Variants in RTF1 observed in about 807,000 individuals in gnomAD.
RTF1 encodes RTF1 homolog, Paf1/RNA polymerase II complex component, also known as RNA polymerase-associated protein RTF1 homolog.
In RTF1, 10 loss-of-function variants were observed where a neutral mutation model predicts 95.7. The observed-to-expected ratio is 0.10, with a 90% CI of 0.06 to 0.18. The LOEUF is 0.18. RTF1 is among the 10% of genes least tolerant of loss of function. The probability of loss-of-function intolerance (pLI) is 1.00; values close to 1 mark genes in which losing one functional copy is unlikely to be tolerated. For missense variants in RTF1, 458 were observed against 875.6 expected (o/e 0.52, Z 6.02); for synonymous variants, 305 against 311.8 (o/e 0.98, Z 0.23).
At chr15:41,425,191 T>C (rs1435317475) in intron 1 of RTF1, among the ~76,000 whole-genome samples, 1 of 151,920 alleles carries the variant, frequency 6.6e-6, no homozygotes, top group Non-Finnish European at 1.5e-5. Flanking sequence ...AAGCTTCGCC[T>C]CCCGGGTTCA....
chr15:41,472,933 C>T lies in RTF1; in HGVS notation c.1203+1584C>T, dbSNP rs182163698. ...AGCCAGGATGGTCTTGATCTCCTAACCTCGTGATCCGCCCGCCTCGGCCTC... is the reference window on the plus strand; with the variant it reads ...AGCCAGGATGGTCTTGATCTCCTAATCTCGTGATCCGCCCGCCTCGGCCTC... On this transcript the variant is annotated intron_variant, in intron 8 of 17. Coordinates refer to ENST00000389629, the MANE Select transcript of RTF1 (RefSeq NM_015138.5). 2.5e-3 allele frequency among the ~76,000 whole-genome samples: 372 copies of T among 151,754 alleles called. 1 individual carries two copies. The highest frequency in any genetic ancestry group is 8.5e-3 in the African/African-American group (353 of 41,390).
intron 1 of RTF1, among the ~76,000 whole-genome samples, chr15:41,430,279 C>A (rs1472719911): frequency 2.0e-5 from 3 of 151,054 alleles, no homozygotes; most frequent in African/African-American, 7.3e-5. Context: ...CTACAACCTC[C>A]ACCTCCCGGG....
chr15:41,448,226 A>G (rs1452274090), intron 2 of RTF1, among the ~76,000 whole-genome samples: 1 of 152,136 alleles, frequency 6.6e-6, no homozygotes, highest in Non-Finnish European at 1.5e-5. Flanking sequence ...GAGAAAAAAA[A>G]TCTTTGGGAG....
chr15:41,457,087 A>G lies in RTF1; in HGVS notation c.458-585A>G, dbSNP rs556467201. The stretch of plus-strand genomic sequence containing the variant: ...GGGCAGAGTGAGACTCCGTCTCAAT[A>G]ATAATAATAATAAATAAGATGGGGC... On this transcript the variant is annotated intron_variant, in intron 3 of 17. Transcript: ENST00000389629. Among the ~76,000 whole-genome samples the G allele has an allele frequency of 2.0e-5, 3 of 151,910 alleles. No homozygotes were observed. The South Asian group carries it at 6.2e-4, about 32-fold the overall frequency.
At chr15:41,428,511 G>A (rs1301072871) in intron 1 of RTF1, among the ~76,000 whole-genome samples, 7 of 150,358 alleles carry the variant, frequency 4.7e-5, no homozygotes, top group African/African-American at 7.3e-5. Flanking sequence ...CTTGTGATCC[G>A]CCCACCTCAG....
At chr15:41,476,054 T>C (rs1353665365) in intron 11 of RTF1, among the ~76,000 whole-genome samples, 1 of 152,176 alleles carries the variant, frequency 6.6e-6, no homozygotes, top group Non-Finnish European at 1.5e-5. Context: ...AGACAACAAA[T>C]GAGGCTACAT....
At chr15:41,476,888 A>G (rs144255265) in intron 12 of RTF1, among the ~76,000 whole-genome samples, 1 of 152,188 alleles carries the variant, frequency 6.6e-6, no homozygotes, top group African/African-American at 2.4e-5. Flanking sequence ...GGGCCTTGTT[A>G]TGGTGGTTTA....
intron 2 of RTF1, among the ~76,000 whole-genome samples, chr15:41,449,955 G>C (rs1167637788): frequency 6.6e-6 from 1 of 152,000 alleles, no homozygotes; most frequent in Non-Finnish European, 1.5e-5. Context: ...CCAGAATTTG[G>C]GAGACTGAGG....
At chr15:41,473,886 A>G (rs566298730) in intron 8 of RTF1, among the ~76,000 whole-genome samples, 3 of 152,092 alleles carry the variant, frequency 2.0e-5, no homozygotes, top group Non-Finnish European at 1.5e-5. Flanking sequence ...AAATACAAAA[A>G]ATTAGCTTGG....
rs1174038328 is a variant in RTF1 at position 41,427,403 on chromosome 15, G to A, written c.198+10090G>A. ...CCTGACCTCGTGATCCACCCACCCT[G>A]GCCTCCCAAAGTGCTGGGATTACAG... On this transcript the variant is annotated intron_variant, in intron 1 of 17. Transcript: ENST00000389629. 3.3e-5 allele frequency among the ~76,000 whole-genome samples: 5 copies of A among 152,182 alleles called. No individual in the cohort carries two copies. The East Asian group carries it at 9.7e-4, about 29-fold the overall frequency.
chr15:41,424,261 A>G (rs1399582310), intron 1 of RTF1, among the ~76,000 whole-genome samples: 2 of 152,198 alleles, frequency 1.3e-5, no homozygotes, highest in Admixed American at 1.3e-4. Flanking sequence ...AATATTAACC[A>G]GGGACCCTAT....
intron 1 of RTF1, among the ~76,000 whole-genome samples, chr15:41,431,164 A>T (rs916015694): frequency 6.6e-6 from 1 of 151,112 alleles, no homozygotes; most frequent in African/African-American, 2.4e-5. Context: ...TTGGCCTCCC[A>T]AAGTGCTGGG....
At chr15:41,446,884 C>A (rs2050766471) in intron 2 of RTF1, among the ~76,000 whole-genome samples, 1 of 151,448 alleles carries the variant, frequency 6.6e-6, no homozygotes, top group African/African-American at 2.4e-5. Context: ...CTTACTGCAA[C>A]CTCCACCTCC....
Position 41,482,391 on chromosome 15 carries a change from G to C in RTF1, c.*1704G>C, listed in dbSNP as rs780179715. ...CACGAGAGACTAATCTAAAAGCTCT[G>C]CTTTGTACTTCCTCACCCTGCTTTC... On this transcript the variant is annotated 3_prime_UTR_variant, in exon 18 of 18. Coordinates refer to ENST00000389629, the MANE Select transcript of RTF1 (RefSeq NM_015138.5). 13 of 152,578 alleles carry C rather than the reference G, an allele frequency of 8.5e-5. No individual in the cohort carries two copies. The highest frequency in any genetic ancestry group is 1.6e-4 in the Non-Finnish European group (11 of 68,040). 9.5% of individuals were successfully genotyped at this position (152,578 alleles called of 1,614,324 possible).
At chr15:41,454,145 G>T (rs906111458) in intron 3 of RTF1, among the ~76,000 whole-genome samples, 6 of 152,042 alleles carry the variant, frequency 3.9e-5, no homozygotes, top group African/African-American at 1.4e-4. Flanking sequence ...TGCCCAGGCT[G>T]GAGTGCAATG....
intron 1 of RTF1, among the ~76,000 whole-genome samples, chr15:41,428,516 C>G (rs1595424315): frequency 2.7e-5 from 4 of 150,816 alleles, no homozygotes; most frequent in African/African-American, 9.7e-5. Context: ...GATCCGCCCA[C>G]CTCAGCCTCC....
Position 41,452,999 on chromosome 15 carries a change from A to C in RTF1, c.408A>C (p.Ser136=), listed in dbSNP as rs2050796132. 1 of 1,612,572 alleles carries C rather than the reference A, an allele frequency of 6.2e-7. No individual in the cohort carries two copies. The highest frequency in any genetic ancestry group is 1.3e-5 in the African/African-American group (1 of 74,866). The stretch of plus-strand genomic sequence containing the variant: ...AACAGGCCAACAAAACTGCCTCCTC[A>C]GGCAGTTCAGACAAAGACAGTTCAG... ...MKKQANKTAS[S]GSSDKDSSAE... is the part of the protein sequence containing the mutation. The change falls in exon 3 of 18, where the codon TCA becomes TCC. Residue 136 remains serine, a synonymous_variant. Transcript: ENST00000389629.
chr15:41,445,269 C>T (rs2050755230), intron 2 of RTF1, among the ~76,000 whole-genome samples: 1 of 152,144 alleles, frequency 6.6e-6, no homozygotes, highest in South Asian at 2.1e-4. Context: ...TGGCTCTTAA[C>T]TGTGTAGACA....
At position 41,476,537 on chromosome 15, in the gene RTF1, C is replaced by G. The variant is rs752925619; in HGVS notation, c.1560+14C>G. On this transcript the variant is annotated intron_variant, in intron 12 of 17. Coordinates refer to ENST00000389629, the MANE Select transcript of RTF1 (RefSeq NM_015138.5). ...CTGAAGGAAAAGGTAAGGAGTTGTA[C>G]TCGAGCCTCTTTCCTCATCCTGTAA... is the stretch of plus-strand genomic sequence containing the variant. The G allele has an allele frequency of 1.9e-6, 3 of 1,604,782 alleles. No homozygotes were observed. The highest frequency in any genetic ancestry group is 2.6e-6 in the Non-Finnish European group (3 of 1,171,726).
Sources: allele counts gnomAD v4.1 joint callset (sites outside exome capture counted in the v4.1 genomes callset), GRCh38; gene constraint gnomAD v4.1.1; transcripts MANE v1.5; gene names NCBI Gene and HGNC (gene_info 2026-07-23, HGNC 2026-07-21).